Variants in KAZN observed in about 807,000 individuals in gnomAD.
KAZN encodes kazrin, periplakin interacting protein, also known as kazrin.
A neutral mutation model predicts 87.4 loss-of-function variants in KAZN; 40 were observed. The observed-to-expected ratio is 0.46, with a 90% confidence interval of 0.36 to 0.60. The LOEUF (loss-of-function observed/expected upper bound fraction) is 0.60. KAZN is among the 20% of genes least tolerant of loss of function. The pLI, the probability that KAZN is intolerant of heterozygous loss-of-function variation, is 0.00. For synonymous variants in KAZN, 466 were observed against 458.3 expected (o/e 1.02, Z -0.22); for missense variants, 898 against 1,073.9 (o/e 0.84, Z 2.29).
At chr1:14,153,385 T>C (rs554846640) in intron 1 of KAZN, among the ~76,000 whole-genome samples, 20 of 152,296 alleles carry the variant, frequency 1.3e-4, no homozygotes, top group Non-Finnish European at 2.4e-4. Flanking sequence ...TGTTGAGAGA[T>C]AGGGATCTAG....
intron 2 of KAZN, among the ~76,000 whole-genome samples, chr1:14,478,897 A>G (rs773817487): frequency 1.3e-5 from 2 of 152,224 alleles, no homozygotes; most frequent in Non-Finnish European, 2.9e-5. Context: ...CAGATCCAAG[A>G]AAACAAGAGT....
chr1:15,004,486 C>T (rs1329048522), intron 2 of KAZN, among the ~76,000 whole-genome samples: 2 of 152,266 alleles, frequency 1.3e-5, no homozygotes, highest in African/African-American at 4.8e-5. Flanking sequence ...CTCTCAGAAC[C>T]TGAGTTGCCT....
intron 2 of KAZN, among the ~76,000 whole-genome samples, chr1:14,509,357 G>A (rs139729731): frequency 1.9e-3 from 291 of 152,268 alleles, no homozygotes; most frequent in African/African-American, 6.8e-3. Flanking sequence ...TCAAAGCTGG[G>A]ATTCACACCT....
At chr1:14,978,760 G>A (rs1011586300) in intron 2 of KAZN, among the ~76,000 whole-genome samples, 2 of 152,112 alleles carry the variant, frequency 1.3e-5, no homozygotes, top group Non-Finnish European at 2.9e-5. Flanking sequence ...CCAGGCAGAG[G>A]CAGTCTTTCT....
intron 13 of KAZN, among the ~76,000 whole-genome samples, chr1:15,110,846 C>T (rs1304865250): frequency 6.6e-6 from 1 of 152,234 alleles, no homozygotes; most frequent in Non-Finnish European, 1.5e-5. Flanking sequence ...TCTTCTGTCT[C>T]TTCAGTGAAA....
At chr1:14,162,665 C>A (rs778072366) in intron 1 of KAZN, among the ~76,000 whole-genome samples, 2 of 152,022 alleles carry the variant, frequency 1.3e-5, no homozygotes, top group Non-Finnish European at 2.9e-5. Context: ...CTGCCTCAGC[C>A]TCCCAAATAG....
chr1:14,234,077 C>T (rs1041601915), intron 2 of KAZN, among the ~76,000 whole-genome samples: 7 of 152,104 alleles, frequency 4.6e-5, no homozygotes, highest in Admixed American at 4.6e-4. Context: ...ATGAATCATT[C>T]TACTATAAAG....
chr1:15,106,758 C>T (rs1185706181), intron 13 of KAZN, among the ~76,000 whole-genome samples: 1 of 152,154 alleles, frequency 6.6e-6, no homozygotes, highest in African/African-American at 2.4e-5. Flanking sequence ...CCCAAAGGCG[C>T]CAAGGAGAAG....
intron 1 of KAZN, among the ~76,000 whole-genome samples, chr1:14,017,181 A>G (rs76005329): frequency 0.017 from 2,636 of 152,210 alleles, 85 homozygotes; most frequent in African/African-American, 0.061. Context: ...CGTTCTGCCA[A>G]TTCGAGGTAG....
At chr1:14,385,762 TGTG>T (rs1661822580) in intron 2 of KAZN, among the ~76,000 whole-genome samples, 1 of 150,524 alleles carries the variant, frequency 6.6e-6, no homozygotes, top group African/African-American at 2.5e-5. Flanking sequence ...ATAGGTGTGG[TGTG>T]GTGCTGAAAA....
At chr1:14,267,333 A>G (rs1174016762) in intron 2 of KAZN, among the ~76,000 whole-genome samples, 1 of 150,946 alleles carries the variant, frequency 6.6e-6, no homozygotes, top group African/African-American at 2.4e-5. Flanking sequence ...GGCTACACAT[A>G]AAATACACTA....
At chr1:14,245,311 T>C (rs1649397148) in intron 2 of KAZN, among the ~76,000 whole-genome samples, 3 of 152,082 alleles carry the variant, frequency 2.0e-5, no homozygotes, top group Admixed American at 2.0e-4. Flanking sequence ...CACACACACA[T>C]ACATACTTAC....
At chr1:14,094,228 C>T (rs1644076037) in intron 1 of KAZN, among the ~76,000 whole-genome samples, 1 of 151,446 alleles carries the variant, frequency 6.6e-6, no homozygotes, top group South Asian at 2.1e-4. Context: ...GAGGCCTTTA[C>T]TATCGTTTTT....
chr1:13,932,083 C>T (rs984035910), intron 1 of KAZN, among the ~76,000 whole-genome samples: 12 of 143,656 alleles, frequency 8.4e-5, no homozygotes, highest in Admixed American at 2.2e-4. Context: ...GTCTCAAATT[C>T]CTGACCTCAA....
intron 1 of KAZN, among the ~76,000 whole-genome samples, chr1:14,132,620 G>A (rs1265648176): frequency 6.6e-6 from 1 of 152,214 alleles, no homozygotes; most frequent in African/African-American, 2.4e-5. Flanking sequence ...AATGCATGCT[G>A]GAGAGCAAAA....
intron 1 of KAZN, among the ~76,000 whole-genome samples, chr1:14,710,275 T>G (rs1290589995): frequency 6.6e-6 from 1 of 152,178 alleles, no homozygotes; most frequent in East Asian, 1.9e-4. Context: ...CCATCAACCC[T>G]CTCCTGGATT....
chr1:14,367,081 T>C (rs1016843978), intron 2 of KAZN, among the ~76,000 whole-genome samples: 7 of 151,994 alleles, frequency 4.6e-5, no homozygotes, highest in African/African-American at 1.4e-4. Context: ...ATACAAAAAT[T>C]AGCGAGGCGT....
chr1:14,840,326 T>G (rs1372146127), intron 1 of KAZN, among the ~76,000 whole-genome samples: 4 of 152,326 alleles, frequency 2.6e-5, no homozygotes, highest in Middle Eastern at 3.4e-3. Context: ...TCATCTCATT[T>G]CAACCTTTTC....
At chr1:14,654,677 G>T (rs1364760873) in intron 1 of KAZN, among the ~76,000 whole-genome samples, 1 of 152,174 alleles carries the variant, frequency 6.6e-6, no homozygotes, top group Admixed American at 6.5e-5. Flanking sequence ...TCACTTTGTG[G>T]CTGCTTTTGA....
Sources: allele counts gnomAD v4.1 joint callset (sites outside exome capture counted in the v4.1 genomes callset), GRCh38; gene constraint gnomAD v4.1.1; transcripts MANE v1.5; gene names NCBI Gene and HGNC (gene_info 2026-07-23, HGNC 2026-07-21).